The following ANKMY1 variants were observed in gnomAD, a reference collection of about 807,000 sequenced individuals.
ANKMY1 encodes the protein ankyrin repeat and MYND domain-containing protein 1.
Under a neutral mutation model 102.0 loss-of-function variants are expected in ANKMY1, and 98 were observed. That is an observed-to-expected ratio of 0.96 (90% CI 0.82 to 1.14). The LOEUF is 1.14. ANKMY1 is among the 50% of genes most tolerant of loss of function. ANKMY1 has a pLI of 0.00. For synonymous variants in ANKMY1, 582 were observed against 559.9 expected, an observed-to-expected ratio of 1.04 and a Z score of -0.56; for missense variants, 1,330 against 1,347.6, an observed-to-expected ratio of 0.99 and a Z score of 0.20.
chr2:240,559,346 A>G (rs1042723762), upstream of ANKMY1, among the ~76,000 whole-genome samples: 2 of 152,220 alleles, frequency 1.3e-5, no homozygotes, highest in Admixed American at 6.5e-5. Flanking sequence ...GTGGCCCAAC[A>G]GTGGCATCAA....
chr2:240,545,297 G>A (rs1475861155), intron 4 of ANKMY1, among the ~76,000 whole-genome samples: 1 of 152,196 alleles, frequency 6.6e-6, no homozygotes, highest in African/African-American at 2.4e-5. Flanking sequence ...GCAGCTGAGG[G>A]TCCTGTCTGT....
In ANKMY1 at chr2:240,479,530, T is replaced by G. The variant is rs773349718; in HGVS notation, c.*79A>C. The G allele has an allele frequency of 1.5e-5, 22 of 1,503,480 alleles. No homozygotes were observed. The highest frequency in any genetic ancestry group is 3.4e-4 in the Middle Eastern group (2 of 5,880). The allele number at this position is 1,503,480 out of a possible 1,614,324, so 93.1% of individuals were successfully genotyped here. On this transcript the variant is annotated 3_prime_UTR_variant, in exon 18 of 18. Transcript: ENST00000401804. ...GAAATGCCTGCATTAGGCTGGAAGA[T>G]TCCCTGAGGTGGCTCAGGCAGGTAA...
intron 9 of ANKMY1, among the ~76,000 whole-genome samples, chr2:240,513,500 A>G (rs1401785289): frequency 1.3e-5 from 2 of 152,254 alleles, no homozygotes; most frequent in African/African-American, 4.8e-5. Flanking sequence ...CTTTGGGTCA[A>G]GAGATGCTCC....
chr2:240,536,788 T>C (rs762309845), intron 4 of ANKMY1, among the ~76,000 whole-genome samples: 8 of 152,262 alleles, frequency 5.3e-5, no homozygotes, highest in Non-Finnish European at 1.2e-4. Flanking sequence ...GCTTTTTCCC[T>C]GGATTCTATA....
chr2:240,491,057 G>T (rs1407315013), intron 15 of ANKMY1, among the ~76,000 whole-genome samples: 3 of 148,360 alleles, frequency 2.0e-5, no homozygotes, highest in African/African-American at 7.4e-5. Flanking sequence ...CCTCTTGCTA[G>T]ATTTATCCCT....
intron 15 of ANKMY1, among the ~76,000 whole-genome samples, chr2:240,492,791 A>G (rs1382144583): frequency 6.6e-6 from 1 of 152,114 alleles, no homozygotes; most frequent in African/African-American, 2.4e-5. Flanking sequence ...CCCGGGTTCA[A>G]GCAATTCTCC....
Position 240,514,796 on chromosome 2 carries a change from G to T in ANKMY1, c.2005-1854C>A, listed in dbSNP as rs112342858. Among the ~76,000 whole-genome samples, 133 of 152,350 alleles carry T rather than the reference G, an allele frequency of 8.7e-4. 1 individual carries two copies. Among genetic ancestry groups the T allele is most frequent in the Non-Finnish European group, 1.1e-3 (72 of 68,028 alleles). On this transcript the variant is annotated intron_variant, in intron 9 of 17. Transcript: ENST00000401804. ...AGCCACAACTGCGCAGCATGGTGGA[G>T]GGAGGCAACCCCGAGAGTCCCATTC...
intron 4 of ANKMY1, among the ~76,000 whole-genome samples, chr2:240,545,491 C>T (rs561099217): frequency 1.1e-4 from 17 of 152,328 alleles, no homozygotes; most frequent in African/African-American, 2.4e-4. Flanking sequence ...TCACCAGCAA[C>T]GGAACAAAGC....
At chr2:240,555,962 T>A (rs769030455) in intron 2 of ANKMY1, among the ~76,000 whole-genome samples, 92 of 152,220 alleles carry the variant, frequency 6.0e-4, no homozygotes, top group Admixed American at 1.3e-4. Flanking sequence ...CGTTCTCAGC[T>A]GTGCAGGGCG....
chr2:240,515,712 A>C (rs1405117916), intron 9 of ANKMY1, among the ~76,000 whole-genome samples: 2 of 152,130 alleles, frequency 1.3e-5, no homozygotes, highest in Admixed American at 6.6e-5. Flanking sequence ...TTTGTAGAAC[A>C]TTAATAAAAG....
chr2:240,554,962 C>G lies in ANKMY1; in HGVS notation c.240G>C (p.Gln80His). ...AACCATCCTGCCACTCCTGCACACC[C>G]TGGACGAGCTGGATGTAGGACTCCC... is the stretch of plus-strand genomic sequence containing the variant. ...DLRESYIQLVQGVQEWQDGCM... is the reference protein window; with the variant it reads ...DLRESYIQLVHGVQEWQDGCM... Residue 80 changes from glutamine to histidine, a missense_variant, in exon 3 of 18, where the codon CAG becomes CAC. Physicochemically the swap from Gln to His is conservative, Grantham distance 24 (BLOSUM62 0). Transcript: ENST00000401804. 1 of 1,614,200 alleles carries G rather than the reference C, an allele frequency of 6.2e-7. No homozygotes were observed. Among genetic ancestry groups the G allele is most frequent in the Non-Finnish European group, 8.5e-7 (1 of 1,180,016 alleles).
intron 15 of ANKMY1, among the ~76,000 whole-genome samples, chr2:240,490,655 A>T (rs1286622111): frequency 6.6e-6 from 1 of 152,164 alleles, no homozygotes. Flanking sequence ...TCTTCTTGGT[A>T]CAGACTTCTA....
intron 15 of ANKMY1, 131 bp from the exon 16 acceptor site, chr2:240,482,392 C>A (rs905941059): frequency 4.0e-6 from 3 of 746,988 alleles, no homozygotes; most frequent in Non-Finnish European, 6.3e-6. Flanking sequence ...GGGAAGCAAG[C>A]CTTTGATGGC....
upstream of ANKMY1, chr2:240,560,727 G>A: frequency 1.3e-6 from 2 of 1,522,546 alleles, no homozygotes; most frequent in Non-Finnish European, 8.7e-7. Context: ...CGCCTCGCCC[G>A]TACCTCCACC....
the ANKMY1 span, among the ~76,000 whole-genome samples, chr2:240,468,918 G>A: frequency 6.6e-6 from 1 of 152,178 alleles, no homozygotes; most frequent in South Asian, 2.1e-4. Context: ...ATCTGCAGCC[G>A]CCAGGTCCCT....
chr2:240,480,932 C>T lies in ANKMY1; in HGVS notation c.3046+5G>A. 1.2e-6 allele frequency: 2 copies of T among 1,603,438 alleles called. No homozygotes were observed. The highest frequency in any genetic ancestry group is 1.7e-6 in the Non-Finnish European group (2 of 1,171,410). ...CCTTGCCTCCCAGCCTGAGGGCCGA[C>T]CTACCGATGGCCACCAGGTCCCCGC... On this transcript the variant is annotated splice_donor_5th_base_variant and intron_variant, in intron 17 of 17. Coordinates refer to ENST00000401804, the MANE Select transcript of ANKMY1 (RefSeq NM_001282771.3).
downstream of ANKMY1, among the ~76,000 whole-genome samples, chr2:240,478,780 G>T (rs1574836440): frequency 6.7e-6 from 1 of 150,270 alleles, no homozygotes; most frequent in South Asian, 2.1e-4. Flanking sequence ...CCACAAGCCA[G>T]CCTGGAGCGG....
At chr2:240,537,595 TCAC>T (rs1559355471) in intron 4 of ANKMY1, among the ~76,000 whole-genome samples, 1 of 152,192 alleles carries the variant, frequency 6.6e-6, no homozygotes, top group South Asian at 2.1e-4. Flanking sequence ...GGTTAAGCAG[TCAC>T]CACATGACCC....
intron 4 of ANKMY1, 145 bp downstream of exon 4, chr2:240,552,769 T>C (rs764015632): frequency 1.6e-6 from 2 of 1,277,342 alleles, no homozygotes; most frequent in Non-Finnish European, 2.2e-6. Flanking sequence ...ATCCTTATTA[T>C]TGGTACCATT....
Sources: gnomAD v4.1 joint callset for allele counts (sites outside exome capture counted in the v4.1 genomes callset) on GRCh38, gnomAD v4.1.1 for gene constraint, MANE v1.5 for transcripts, NCBI Gene and HGNC (gene_info 2026-07-23, HGNC 2026-07-21) for gene names.